Variants in ARFGAP1 observed in about 807,000 individuals in gnomAD.
ARFGAP1 encodes the protein ARF GTPase activating protein 1, also known as ADP-ribosylation factor GTPase-activating protein 1.
In ARFGAP1, 26 loss-of-function variants were observed where a neutral mutation model predicts 54.0. The observed-to-expected ratio is 0.48, with a 90% confidence interval of 0.35 to 0.67. The LOEUF is 0.67. Ranked by LOEUF, ARFGAP1 falls within the 30% of genes least tolerant of loss-of-function variation. The pLI is 0.00. For missense variants in ARFGAP1, 525 were observed against 535.8 expected, an observed-to-expected ratio of 0.98 and a Z score of 0.20; for synonymous variants, 248 against 211.9, an observed-to-expected ratio of 1.17 and a Z score of -1.48.
intron 6 of ARFGAP1, chr20:63,278,475 G>T (rs910505287): frequency 2.0e-6 from 1 of 490,626 alleles, no homozygotes; most frequent in Non-Finnish European, 3.7e-6. Context: ...GTGAATTGGG[G>T]GTCTTGGGTG....
intron 10 of ARFGAP1, 75 bp from the exon 11 acceptor site, chr20:63,285,579 G>T: frequency 6.6e-7 from 1 of 1,504,646 alleles, no homozygotes; most frequent in Non-Finnish European, 9.2e-7. Context: ...CTCACCCGGG[G>T]GATTCCTGCA....
intron 6 of ARFGAP1, chr20:63,278,506 G>T (rs1207902651): frequency 2.1e-6 from 1 of 467,544 alleles, no homozygotes; most frequent in African/African-American, 2.0e-5. Context: ...ACCCCCAGCT[G>T]CCCAGGTGTG....
At position 63,276,561 on chromosome 20, in the gene ARFGAP1, A is replaced by G. The variant is rs1280212972; in HGVS notation, c.252A>G (p.Arg84=). The G allele has an allele frequency of 6.2e-7, 1 of 1,614,082 alleles. No homozygotes were observed. The highest frequency in any genetic ancestry group is 1.7e-5 in the Admixed American group (1 of 60,024). ...AAGCTGGTGGGAATGCTAAGTTCCG[A>G]GAGTTCCTGGAGTCTCAGGAGGATT... ...KMKAGGNAKF[R]EFLESQEDYD... is the part of the protein sequence containing the mutation. Residue 84 remains arginine, a synonymous_variant, in exon 4 of 13, where the codon CGA becomes CGG. Coordinates refer to ENST00000370283, the MANE Select transcript of ARFGAP1 (RefSeq NM_018209.4). The surrounding 1 kb of genome is among the most constrained non-coding windows in gnomAD (Gnocchi z 5.2).
Position 63,278,147 on chromosome 20 carries a change from C to G in ARFGAP1, c.474C>G (p.Ala158=). 1.2e-6 allele frequency: 2 copies of G among 1,613,834 alleles called. No homozygotes were observed. The highest frequency in any genetic ancestry group is 2.7e-5 in the African/African-American group (2 of 75,076). ...RVSGQPQSVT[A]SSDKAFEDWL... is the part of the protein sequence containing the mutation. ...CTGGCCAGCCGCAGAGTGTGACCGC[C>G]TCCTCGGACAAGGCTTTTGAAGACT... The change falls in exon 6 of 13, where the codon GCC becomes GCG. Residue 158 remains alanine (A), a synonymous_variant. Transcript: ENST00000370283.
At position 63,276,156 on chromosome 20, in the gene ARFGAP1, C is replaced by G; in HGVS notation, c.126C>G (p.Cys42Trp). ...GTGTGACCTACGGCATCTGGATCTG[C>G]CTGGAGTGCTCGGGGAGACACCGCG... ...WVSVTYGIWI[C>W]LECSGRHRGL... The change falls in exon 3 of 13, where the codon TGC becomes TGG. Residue 42 changes from cysteine to tryptophan, a missense_variant. This residue lies in a region of ARFGAP1 where 20 missense variants were observed against 41.8 expected (regional missense o/e 0.48). Coordinates refer to ENST00000370283, the MANE Select transcript of ARFGAP1 (RefSeq NM_018209.4). This position sits in a 1 kb window ranked among gnomAD's most constrained non-coding sequence, Gnocchi z 5.2. The G allele has an allele frequency of 6.2e-7, 1 of 1,614,062 alleles. No homozygotes were observed. Among genetic ancestry groups the G allele is most frequent in the Non-Finnish European group, 8.5e-7 (1 of 1,180,026 alleles).
chr20:63,283,865 G>A lies in ARFGAP1; in HGVS notation c.718-1001G>A, dbSNP rs776153802. ...GTCGGGTAAAGTTTTGGGGTCACAA[G>A]CAGCAGCCGGAGCCGGTAAAGCCCG... On this transcript the variant is annotated intron_variant, in intron 9 of 12. Coordinates refer to ENST00000370283, the MANE Select transcript of ARFGAP1 (RefSeq NM_018209.4). 5 of 1,613,738 alleles carry A rather than the reference G, an allele frequency of 3.1e-6. No individual in the cohort carries two copies. The Admixed American group carries it at 5.0e-5, about 16-fold the overall frequency.
At position 63,287,812 on chromosome 20, in the gene ARFGAP1, C is replaced by T. The variant is rs754431832; in HGVS notation, c.1160C>T (p.Thr387Ile). 2.5e-6 allele frequency: 4 copies of T among 1,593,772 alleles called. No homozygotes were observed. The highest frequency in any genetic ancestry group is 3.4e-6 in the Non-Finnish European group (4 of 1,170,818). Residue 387 changes from threonine (T) to isoleucine (I), a missense_variant, in exon 13 of 13, where the codon ACC becomes ATC. Around this residue, in one of 3 missense-constraint regions of ARFGAP1, gnomAD observed 466 missense variants for 453.6 expected, o/e 1.03. Coordinates refer to ENST00000370283, the MANE Select transcript of ARFGAP1 (RefSeq NM_018209.4). ...NSDGGEGGEG[T>I]KKAVPPAVPT... ...GACGGCGGGGAGGGCGGGGAGGGCA[C>T]CAAGAAGGCAGTGCCGCCGGCCGTG... is the stretch of plus-strand genomic sequence containing the variant.
At chr20:63,275,438 C>A in intron 1 of ARFGAP1, 139 bp from the exon 2 acceptor site, 2 of 774,446 alleles carry the variant, frequency 2.6e-6, no homozygotes, top group Non-Finnish European at 4.3e-6. Flanking sequence ...GCGAGTGGTC[C>A]TGTGACCGGG....
At chr20:63,284,814 C>T (rs528934937) in intron 9 of ARFGAP1, 52 bp from the exon 10 acceptor site, 12 of 1,606,764 alleles carry the variant, frequency 7.5e-6, no homozygotes, top group South Asian at 4.4e-5. Context: ...ACTGCCGACC[C>T]GTGTCCCGTG....
chr20:63,285,870 C>T, intron 11 of ARFGAP1, 157 bp downstream of exon 11: 1 of 1,425,806 alleles, frequency 7.0e-7, no homozygotes, highest in Admixed American at 2.1e-5. Context: ...AGCCTGACAG[C>T]CCGAGGGATA....
intron 9 of ARFGAP1, chr20:63,283,975 G>GTC: frequency 6.3e-7 from 1 of 1,575,698 alleles, no homozygotes; most frequent in Non-Finnish European, 8.6e-7. Context: ...ACTGTCTTGT[G>GTC]TCACCTCACA....
At position 63,287,790 on chromosome 20, in the gene ARFGAP1, G is replaced by A. The variant is rs776645565; in HGVS notation, c.1138G>A (p.Gly380Ser). Residue 380 changes from glycine to serine, a missense_variant, in exon 13 of 13, where the codon GGC becomes AGC. This residue lies in a region of ARFGAP1 where 466 missense variants were observed against 453.6 expected (regional missense o/e 1.03). Transcript: ENST00000370283. ...ASTNRNSNSD[G>S]GEGGEGTKKA... is the part of the protein sequence containing the mutation. ...CACCAACAGGAACAGCAACAGCGAC[G>A]GCGGGGAGGGCGGGGAGGGCACCAA... 6.3e-6 allele frequency: 10 copies of A among 1,594,802 alleles called. No homozygotes were observed. Among genetic ancestry groups the A allele is most frequent in the African/African-American group, 4.0e-5 (3 of 74,590 alleles).
chr20:63,284,381 C>T, intron 9 of ARFGAP1: 3 of 1,068,138 alleles, frequency 2.8e-6, no homozygotes, highest in Non-Finnish European at 3.4e-6. Flanking sequence ...GTGGCCTCGA[C>T]TCCACTGACC....
intron 9 of ARFGAP1, chr20:63,284,631 G>T: frequency 7.2e-7 from 1 of 1,383,922 alleles, no homozygotes; most frequent in Non-Finnish European, 9.4e-7. Flanking sequence ...CCCTGGAGGG[G>T]GACCTTCCTG....
Position 63,275,601 on chromosome 20 carries a change from G to A in ARFGAP1, c.21G>A (p.Arg7=), listed in dbSNP as rs1358316686. The A allele has an allele frequency of 6.2e-7, 1 of 1,613,896 alleles. No homozygotes were observed. The highest frequency in any genetic ancestry group is 1.7e-5 in the Admixed American group (1 of 60,024). The change falls in exon 2 of 13, where the codon AGG becomes AGA. Residue 7 remains arginine, a synonymous_variant. Coordinates refer to ENST00000370283, the MANE Select transcript of ARFGAP1 (RefSeq NM_018209.4). ...GCATCATGGCCAGCCCAAGAACCAG[G>A]AAGGTTCTTAAAGAAGTCAGGGTGC... MASPRT[R]KVLKEVRVQD... is the part of the protein sequence containing the mutation.
chr20:63,281,414 T>C, intron 8 of ARFGAP1, 67 bp downstream of exon 8: 1 of 1,520,346 alleles, frequency 6.6e-7, no homozygotes, highest in Non-Finnish European at 8.9e-7. Flanking sequence ...GCTGCTGGCC[T>C]GGGGTTCTGG....
chr20:63,285,939 C>G, intron 11 of ARFGAP1: 2 of 1,492,494 alleles, frequency 1.3e-6, no homozygotes, highest in Non-Finnish European at 1.8e-6. Flanking sequence ...TCTCCCTCTG[C>G]TCTTATCTTG....
At chr20:63,285,193 G>T (rs1023614263) in intron 10 of ARFGAP1, among the ~76,000 whole-genome samples, 3 of 151,908 alleles carry the variant, frequency 2.0e-5, no homozygotes, top group Non-Finnish European at 2.9e-5. Flanking sequence ...CACCCCTACA[G>T]CTGGCCCCAG....
chr20:63,287,297 G>A (rs1221367186), intron 12 of ARFGAP1, among the ~76,000 whole-genome samples: 3 of 152,246 alleles, frequency 2.0e-5, no homozygotes, highest in Non-Finnish European at 1.5e-5. Flanking sequence ...GCAGCAGTTT[G>A]GAGCTGGTAG....
Sources: gnomAD v4.1 joint callset for allele counts (sites outside exome capture counted in the v4.1 genomes callset) on GRCh38, gnomAD v4.1.1 for gene constraint, gnomAD v4.1.1 regional missense constraint, Gnocchi (gnomAD v3.1) non-coding constraint, MANE v1.5 for transcripts, NCBI Gene and HGNC (gene_info 2026-07-23, HGNC 2026-07-21) for gene names.